The following ARID1B variants were observed in gnomAD, a reference collection of about 807,000 sequenced individuals.
ARID1B encodes AT-rich interactive domain-containing protein 1B.
Under a neutral mutation model 212.3 loss-of-function variants are expected in ARID1B, and 30 were observed. The observed-to-expected ratio is 0.14, with a 90% confidence interval of 0.11 to 0.19. ARID1B has a LOEUF of 0.19. Among genes scored for constraint, ARID1B ranks in the 10% least tolerant of loss-of-function variants. The pLI is 1.00. For missense variants in ARID1B, 2,891 were observed against 3,204.0 expected (o/e 0.90, Z 2.36); for synonymous variants, 1,402 against 1,301.7 (o/e 1.08, Z -1.66).
At chr6:157,183,669 A>G (rs1412720635) in intron 12 of ARID1B, among the ~76,000 whole-genome samples, 1 of 152,178 alleles carries the variant, frequency 6.6e-6, no homozygotes, top group Non-Finnish European at 1.5e-5. Flanking sequence ...GAAGGTGTGC[A>G]CCTGCCCCGT....
chr6:157,161,431 GTATATATA>G (rs199731974), intron 8 of ARID1B, among the ~76,000 whole-genome samples: 2 of 139,406 alleles, frequency 1.4e-5, no homozygotes, highest in Non-Finnish European at 3.1e-5. Context: ...TTGTGTGTGT[GTATATATA>G]TATATATATA....
chr6:157,126,837 T>C (rs1172977455), intron 6 of ARID1B, among the ~76,000 whole-genome samples: 3 of 152,192 alleles, frequency 2.0e-5, no homozygotes, highest in African/African-American at 7.2e-5. Context: ...CGTGGTACTC[T>C]AAACTCAGAT....
chr6:156,992,265 C>G (rs1184163563), intron 4 of ARID1B, among the ~76,000 whole-genome samples: 1 of 152,052 alleles, frequency 6.6e-6, no homozygotes, highest in Non-Finnish European at 1.5e-5. Context: ...GTGTTGTAGT[C>G]CTTCATCTGG....
chr6:156,912,507 C>T (rs1789977094), intron 3 of ARID1B, among the ~76,000 whole-genome samples: 1 of 152,118 alleles, frequency 6.6e-6, no homozygotes, highest in Admixed American at 6.5e-5. Context: ...GAGTTGGTGA[C>T]CACTGATGTT....
intron 4 of ARID1B, among the ~76,000 whole-genome samples, chr6:157,051,603 T>C (rs939837275): frequency 6.6e-6 from 1 of 152,234 alleles, no homozygotes; most frequent in Non-Finnish European, 1.5e-5. Context: ...TTATAGTTTG[T>C]ATCTTTTGAA....
intron 3 of ARID1B, among the ~76,000 whole-genome samples, chr6:156,934,910 AAT>A (rs1491164633): frequency 1.3e-5 from 1 of 78,836 alleles, no homozygotes; most frequent in Non-Finnish European, 2.3e-5. Flanking sequence ...TTTAGTTGTT[AAT>A]TATATATATA....
At chr6:157,187,744 T>G (rs1793072389) in intron 13 of ARID1B, among the ~76,000 whole-genome samples, 1 of 151,930 alleles carries the variant, frequency 6.6e-6, no homozygotes, top group East Asian at 1.9e-4. Flanking sequence ...TCATTTTTTT[T>G]TTTTCCATGA....
At chr6:157,079,297 G>C (rs1020967315) in intron 4 of ARID1B, among the ~76,000 whole-genome samples, 3 of 152,138 alleles carry the variant, frequency 2.0e-5, no homozygotes, top group African/African-American at 7.2e-5. Flanking sequence ...ACAAATGAAA[G>C]CAGCAGGGAC....
intron 2 of ARID1B, among the ~76,000 whole-genome samples, chr6:156,877,073 A>G (rs979535011): frequency 1.3e-5 from 2 of 149,572 alleles, no homozygotes; most frequent in Non-Finnish European, 3.0e-5. Flanking sequence ...TTTTCTGGCC[A>G]ATATACTCTC....
chr6:156,917,115 C>T (rs1437490307), intron 3 of ARID1B, among the ~76,000 whole-genome samples: 1 of 152,008 alleles, frequency 6.6e-6, no homozygotes, highest in African/African-American at 2.4e-5. Flanking sequence ...TAGCAAGTAA[C>T]CCTATTTAAG....
At chr6:157,034,804 T>C (rs532549933) in intron 4 of ARID1B, among the ~76,000 whole-genome samples, 1 of 152,388 alleles carries the variant, frequency 6.6e-6, no homozygotes, top group South Asian at 2.1e-4. Flanking sequence ...ATTAAAATCT[T>C]ACAGAAATAG....
intron 10 of ARID1B, among the ~76,000 whole-genome samples, chr6:157,174,609 G>A (rs1333414406): frequency 2.7e-5 from 4 of 150,668 alleles, no homozygotes; most frequent in Non-Finnish European, 4.4e-5. Context: ...GCATGGTGGC[G>A]TACTGGCCTT....
chr6:157,074,650 G>C (rs925006972), intron 4 of ARID1B, among the ~76,000 whole-genome samples: 1 of 152,162 alleles, frequency 6.6e-6, no homozygotes, highest in African/African-American at 2.4e-5. Context: ...TCTCTCCCTT[G>C]TTCAAAGGTA....
At chr6:156,961,729 TG>T (rs563086444) in intron 4 of ARID1B, among the ~76,000 whole-genome samples, 247 of 152,334 alleles carry the variant, frequency 1.6e-3, no homozygotes, top group Non-Finnish European at 2.8e-3. Flanking sequence ...GGTTGTTTCT[TG>T]AAGTACAAAT....
chr6:157,155,559 A>G (rs1562309869), intron 8 of ARID1B, among the ~76,000 whole-genome samples: 1 of 152,234 alleles, frequency 6.6e-6, no homozygotes, highest in Non-Finnish European at 1.5e-5. Context: ...AATACTGAAT[A>G]TCACAAATAT....
At chr6:156,812,975 T>TATGTATACACATAC (rs1159448637) in intron 1 of ARID1B, among the ~76,000 whole-genome samples, 4 of 103,586 alleles carry the variant, frequency 3.9e-5, no homozygotes, top group Non-Finnish European at 5.9e-5. Context: ...TGTGTGTGTG[T>TATGTATACACATAC]GTATGTATAT....
chr6:156,831,680 C>A (rs535823338), intron 2 of ARID1B, among the ~76,000 whole-genome samples: 1 of 152,192 alleles, frequency 6.6e-6, no homozygotes, highest in African/African-American at 2.4e-5. Flanking sequence ...TTATTTAATC[C>A]CTGTGACTCT....
intron 1 of ARID1B, among the ~76,000 whole-genome samples, chr6:156,805,979 A>G (rs1307506889): frequency 3.3e-5 from 5 of 152,068 alleles, no homozygotes; most frequent in African/African-American, 7.2e-5. Flanking sequence ...GCCCAGCCAC[A>G]TTTTTCAGCT....
intron 4 of ARID1B, among the ~76,000 whole-genome samples, chr6:157,012,634 C>A (rs1779683445): frequency 6.6e-6 from 1 of 152,148 alleles, no homozygotes; most frequent in African/African-American, 2.4e-5. Flanking sequence ...GGGCAAGAGA[C>A]CTAGGCTTTA....
Sources: allele counts gnomAD v4.1 joint callset (sites outside exome capture counted in the v4.1 genomes callset), GRCh38; gene constraint gnomAD v4.1.1; transcripts MANE v1.5; gene names NCBI Gene and HGNC (gene_info 2026-07-23, HGNC 2026-07-21).